PSMA5: variants seen among roughly 807,000 people sequenced by gnomAD.
The protein encoded by PSMA5 is proteasome 20S subunit alpha 5.
A neutral mutation model predicts 34.5 loss-of-function variants in PSMA5; 3 were observed. That is an observed-to-expected ratio of 0.09 (90% confidence interval 0.04 to 0.22). PSMA5 has a LOEUF of 0.22. PSMA5 is among the 10% of genes least tolerant of loss of function. The pLI, the probability that PSMA5 is intolerant of heterozygous loss-of-function variation, is 1.00. For synonymous variants in PSMA5, 88 were observed against 95.8 expected (o/e 0.92, Z 0.47); for missense variants, 120 against 286.1 (o/e 0.42, Z 4.19).
At chr1:109,424,603 C>G (rs1051214421) in intron 1 of PSMA5, among the ~76,000 whole-genome samples, 10 of 152,032 alleles carry the variant, frequency 6.6e-5, no homozygotes, top group African/African-American at 1.9e-4. Context: ...TGAGGAAACC[C>G]TGTCTCTACT....
At chr1:109,422,514 G>A (rs1368406257) in intron 1 of PSMA5, among the ~76,000 whole-genome samples, 2 of 141,374 alleles carry the variant, frequency 1.4e-5, no homozygotes, top group African/African-American at 2.7e-5. Flanking sequence ...ACAGAGTCTC[G>A]CTCTGTCGCT....
intron 1 of PSMA5, among the ~76,000 whole-genome samples, chr1:109,422,388 G>A (rs772824806): frequency 2.0e-5 from 3 of 151,580 alleles, no homozygotes; most frequent in African/African-American, 4.9e-5. Context: ...TTCACCTAAC[G>A]TTTGTAATAG....
intron 8 of PSMA5, among the ~76,000 whole-genome samples, chr1:109,407,834 G>A (rs1192708513): frequency 6.6e-6 from 1 of 151,902 alleles, no homozygotes; most frequent in African/African-American, 2.4e-5. Flanking sequence ...TAGTAGAGAC[G>A]GGGTTTCACT....
intron 8 of PSMA5, among the ~76,000 whole-genome samples, chr1:109,407,739 T>A (rs1361773560): frequency 6.6e-6 from 1 of 152,046 alleles, no homozygotes; most frequent in African/African-American, 2.4e-5. Context: ...CTGCCCAGGT[T>A]CAAGCAATTC....
intron 1 of PSMA5, among the ~76,000 whole-genome samples, chr1:109,423,925 C>T (rs929653380): frequency 1.3e-5 from 2 of 152,212 alleles, no homozygotes; most frequent in Admixed American, 1.3e-4. Context: ...AGGACCCAAA[C>T]TCCTTAGCCT....
chr1:109,413,155 GTGACCCAGTGGCCAAATCCT>G lies in PSMA5; in HGVS notation c.224-40_224-21del. 1 of 1,611,344 alleles carries G rather than the reference GTGACCCAGTGGCCAAATCCT, an allele frequency of 6.2e-7. No individual in the cohort carries two copies. The highest frequency in any genetic ancestry group is 1.1e-5 in the South Asian group (1 of 90,938). On this transcript the variant is annotated intron_variant, in intron 3 of 8. Coordinates refer to ENST00000271308, the MANE Select transcript of PSMA5 (RefSeq NM_002790.4). ...CACAACCTGCAATGTAAAAGCGACA[GTGACCCAGTGGCCAAATCCT>G]TGTAAAACTCTTTCATCCACTCAGG...
chr1:109,426,395 CCCAACTCACCGGCAG>C lies in PSMA5; in HGVS notation c.-80_-66del, dbSNP rs991096417. The C allele has an allele frequency of 1.1e-4, 180 of 1,595,616 alleles. 1 individual carries two copies. Among genetic ancestry groups the C allele is most frequent in the Middle Eastern group, 3.3e-4 (2 of 6,062 alleles). ...GAGGACCAACACGACTCCACCGGCA[CCCAACTCACCGGCAG>C]CCAACTCACCCACACGGCCGCAGTA... is the stretch of plus-strand genomic sequence containing the variant. On this transcript the variant is annotated 5_prime_UTR_variant, in exon 1 of 9. Transcript: ENST00000271308.
At chr1:109,415,213 G>A in intron 3 of PSMA5, 24 bp downstream of exon 3, 1 of 1,607,694 alleles carries the variant, frequency 6.2e-7, no homozygotes, top group Non-Finnish European at 8.5e-7. Context: ...AGATCCTACA[G>A]AACAGCTTTC....
At chr1:109,405,402 A>G (rs572966584) in intron 8 of PSMA5, among the ~76,000 whole-genome samples, 1 of 152,306 alleles carries the variant, frequency 6.6e-6, no homozygotes, top group South Asian at 2.1e-4. Flanking sequence ...TATGCCATGA[A>G]AAGAATTTTG....
At chr1:109,419,445 A>G (rs1395919693) in intron 2 of PSMA5, among the ~76,000 whole-genome samples, 3 of 152,118 alleles carry the variant, frequency 2.0e-5, no homozygotes, top group African/African-American at 2.4e-5. Flanking sequence ...AGGTGGGCGG[A>G]TCACTTGAGC....
At chr1:109,414,536 A>G (rs1377815304) in intron 3 of PSMA5, among the ~76,000 whole-genome samples, 1 of 152,164 alleles carries the variant, frequency 6.6e-6, no homozygotes, top group Admixed American at 6.6e-5. Flanking sequence ...TAGGCTCTCA[A>G]TTTGTTGAAC....
chr1:109,426,342 G>C lies in PSMA5; in HGVS notation c.-12C>G, dbSNP rs746362516. On this transcript the variant is annotated 5_prime_UTR_variant, in exon 1 of 9. Transcript: ENST00000271308. ...CGGGTAAGAAACATGGCGAGGGTAG[G>C]AGGAGGCAGCGGCTACGCGGGGATT... The C allele has an allele frequency of 1.2e-6, 2 of 1,614,112 alleles. No homozygotes were observed. The highest frequency in any genetic ancestry group is 2.2e-5 in the East Asian group (1 of 44,854).
In PSMA5 at chr1:109,409,932, A is replaced by G; in HGVS notation, c.644T>C (p.Ile215Thr). ...VMEEKLNATN[I>T]ELATVQPGQN... ...CAACAATAAAACAGAAAGTACCTCA[A>G]TGTTTGTTGCATTCAGCTTCTCCTC... is the stretch of plus-strand genomic sequence containing the variant. The change falls in exon 8 of 9, where the codon ATT (isoleucine) becomes ACT (threonine). Residue 215 changes from isoleucine to threonine, a missense_variant. Physicochemically the swap from Ile to Thr is moderately conservative, Grantham distance 89. Transcript: ENST00000271308. 6.3e-7 allele frequency: 1 copy of G among 1,593,800 alleles called. No homozygotes were observed. The highest frequency in any genetic ancestry group is 8.6e-7 in the Non-Finnish European group (1 of 1,167,804).
intron 8 of PSMA5, among the ~76,000 whole-genome samples, chr1:109,408,743 T>A (rs1196425572): frequency 6.6e-6 from 1 of 151,512 alleles, no homozygotes; most frequent in Non-Finnish European, 1.5e-5. Flanking sequence ...CAGGCTGGAG[T>A]GCAGTGGTGC....
chr1:109,422,297 T>C (rs1171167174), intron 1 of PSMA5, among the ~76,000 whole-genome samples: 2 of 152,160 alleles, frequency 1.3e-5, no homozygotes, highest in African/African-American at 4.8e-5. Context: ...CATTTTTCCT[T>C]ATCCTCTTCC....
intron 1 of PSMA5, among the ~76,000 whole-genome samples, chr1:109,422,954 C>G (rs886988492): frequency 6.6e-6 from 1 of 152,230 alleles, no homozygotes; most frequent in Non-Finnish European, 1.5e-5. Flanking sequence ...TTCCCCTTAA[C>G]ACTTAACACT....
At chr1:109,409,809 G>C (rs1168164292) in intron 8 of PSMA5, 119 bp downstream of exon 8, 1 of 662,576 alleles carries the variant, frequency 1.5e-6, no homozygotes, top group Non-Finnish European at 2.6e-6. Context: ...AGCTACTCGA[G>C]AGGCTGGGGT....
chr1:109,408,404 TAA>T (rs1048034974), intron 8 of PSMA5, among the ~76,000 whole-genome samples: 1 of 152,222 alleles, frequency 6.6e-6, no homozygotes, highest in Non-Finnish European at 1.5e-5. Context: ...TGCTTTAGTC[TAA>T]GTTATACATA....
chr1:109,415,164 C>T (rs1370151706), intron 3 of PSMA5, 73 bp downstream of exon 3: 1 of 1,477,680 alleles, frequency 6.8e-7, no homozygotes, highest in Non-Finnish European at 9.1e-7. Context: ...TTTCATAAAC[C>T]TTCCTTGGAA....
Sources: gnomAD v4.1 joint callset for allele counts (sites outside exome capture counted in the v4.1 genomes callset) on GRCh38, gnomAD v4.1.1 for gene constraint, MANE v1.5 for transcripts, NCBI Gene and HGNC (gene_info 2026-07-23, HGNC 2026-07-21) for gene names.